CCKBR: variants seen among roughly 807,000 people sequenced by gnomAD.
The protein encoded by CCKBR is cholecystokinin B receptor.
CCKBR carries 33 observed loss-of-function variants against 34.6 expected under a neutral mutation model. The observed-to-expected ratio is 0.95, with a 90% confidence interval of 0.72 to 1.27. The LOEUF (loss-of-function observed/expected upper bound fraction) is 1.27. Among genes scored for constraint, CCKBR ranks in the 50% most tolerant of loss-of-function variants. The pLI is 0.00. For missense variants in CCKBR, 652 were observed against 617.4 expected (o/e 1.06, Z -0.59); for synonymous variants, 269 against 267.5 (o/e 1.01, Z -0.06).
chr11:6,261,655 A>G lies in CCKBR; in HGVS notation c.151+1576A>G, dbSNP rs142613939. Among the ~76,000 whole-genome samples, 3 of 152,254 alleles carry G rather than the reference A, an allele frequency of 2.0e-5. No homozygotes were observed. The East Asian group carries it at 5.8e-4, about 29-fold the overall frequency. On this transcript the variant is annotated intron_variant, in intron 1 of 4. Coordinates refer to ENST00000334619, the MANE Select transcript of CCKBR (RefSeq NM_176875.4). The stretch of plus-strand genomic sequence containing the variant: ...AGTGACTAGAACATATATCTTAAGA[A>G]GGGAATAATGAACAGGCTGGAGACC...
intron 1 of CCKBR, among the ~76,000 whole-genome samples, chr11:6,263,404 C>T (rs1463546876): frequency 6.6e-6 from 1 of 152,092 alleles, no homozygotes; most frequent in Non-Finnish European, 1.5e-5. Flanking sequence ...ATAATACCCA[C>T]AAAAGCTTAA....
rs971207895 is a variant in CCKBR at position 6,270,217 on chromosome 11, C to T, written c.533C>T (p.Thr178Met). ...RSHAARVIVA[T>M]WLLSGLLMVP... is the part of the protein sequence containing the mutation. ...CACGCGGCTCGCGTGATTGTAGCCA[C>T]GTGGCTGCTGTCCGGACTACTCATG... The change falls in exon 3 of 5, where the codon ACG (threonine) becomes ATG (methionine). Residue 178 changes from threonine (T) to methionine (M), a missense_variant. Thr to Met is a moderately conservative substitution (Grantham distance 81, BLOSUM62 -1). Coordinates refer to ENST00000334619, the MANE Select transcript of CCKBR (RefSeq NM_176875.4). 1 of 1,613,390 alleles carries T rather than the reference C, an allele frequency of 6.2e-7. No individual in the cohort carries two copies. The highest frequency in any genetic ancestry group is 8.5e-7 in the Non-Finnish European group (1 of 1,180,038).
chr11:6,262,221 G>A (rs1848144789), intron 1 of CCKBR, among the ~76,000 whole-genome samples: 1 of 152,188 alleles, frequency 6.6e-6, no homozygotes, highest in African/African-American at 2.4e-5. Flanking sequence ...GAGGTCTGAG[G>A]TGGAAATACA....
chr11:6,271,451 A>G lies in CCKBR; in HGVS notation c.1252A>G (p.Arg418Gly). 1.2e-6 allele frequency: 2 copies of G among 1,613,366 alleles called. No homozygotes were observed. Among genetic ancestry groups the G allele is most frequent in the Non-Finnish European group, 1.7e-6 (2 of 1,180,004 alleles). ...CCCCCGGCCTCCACGAGCTCGCCCC[A>G]GGGCTCTTCCCGATGAGGACCCTCC... Reference protein sequence around the residue: ...CCPRPPRARPRALPDEDPPTP... With the variant: ...CCPRPPRARPGALPDEDPPTP... The change falls in exon 5 of 5, where the codon AGG (arginine) becomes GGG (glycine). Residue 418 changes from arginine to glycine, a missense_variant. Physicochemically the swap from Arg to Gly is moderately radical, Grantham distance 125 (BLOSUM62 -2). Transcript: ENST00000334619.
chr11:6,267,072 G>A (rs760184090), intron 1 of CCKBR, among the ~76,000 whole-genome samples: 14 of 152,204 alleles, frequency 9.2e-5, no homozygotes, highest in Admixed American at 2.0e-4. Context: ...ACTTGCAGGA[G>A]TAGATGTTGC....
intron 3 of CCKBR, 129 bp from the exon 4 acceptor site, chr11:6,270,517 G>A (rs1261493555): frequency 3.7e-6 from 5 of 1,356,546 alleles, no homozygotes; most frequent in Admixed American, 4.5e-5. Flanking sequence ...CCTTCCCAGC[G>A]GCACCCCCAA....
chr11:6,261,462 T>TATATATATATATATATACAC (rs764173521), intron 1 of CCKBR, among the ~76,000 whole-genome samples: 1 of 64,016 alleles, frequency 1.6e-5, no homozygotes, highest in African/African-American at 6.0e-5. Context: ...AAAATATATA[T>TATATATATATATATATACAC]ACACACACAC....
In CCKBR at chr11:6,267,333, G is replaced by T. The variant is rs1350308534; in HGVS notation, c.152-2336G>T. Among the ~76,000 whole-genome samples, 3 of 148,824 alleles carry T rather than the reference G, an allele frequency of 2.0e-5. No individual in the cohort carries two copies. The Admixed American group carries it at 2.1e-4, about 10-fold the overall frequency. On this transcript the variant is annotated intron_variant, in intron 1 of 4. Transcript: ENST00000334619. ...CTTTTTTTATACTCTTATCCTATAA[G>T]CATTTTTCTGTTTTTAACTTTAGAA...
intron 1 of CCKBR, among the ~76,000 whole-genome samples, chr11:6,261,454 A>AAAATATATAT (rs1447691939): frequency 2.0e-4 from 12 of 60,888 alleles, no homozygotes; most frequent in East Asian, 1.2e-3. Flanking sequence ...AAAAAAAAAA[A>AAAATATATAT]ATATATATAC....
intron 1 of CCKBR, among the ~76,000 whole-genome samples, chr11:6,268,483 G>T (rs566438714): frequency 6.6e-6 from 1 of 152,168 alleles, no homozygotes; most frequent in East Asian, 1.9e-4. Context: ...AATAGACAAT[G>T]ACACAAAAGA....
chr11:6,270,223 T>C lies in CCKBR; in HGVS notation c.539T>C (p.Leu180Pro). The change falls in exon 3 of 5, where the codon CTG becomes CCG. Residue 180 changes from leucine (L) to proline (P), a missense_variant. Leu to Pro is a moderately conservative substitution (Grantham distance 98, BLOSUM62 -3). Coordinates refer to ENST00000334619, the MANE Select transcript of CCKBR (RefSeq NM_176875.4). ...GCTCGCGTGATTGTAGCCACGTGGC[T>C]GCTGTCCGGACTACTCATGGTGCCC... ...HAARVIVATWLLSGLLMVPYP... is the reference protein window; with the variant it reads ...HAARVIVATWPLSGLLMVPYP... 1 of 1,613,338 alleles carries C rather than the reference T, an allele frequency of 6.2e-7. No individual in the cohort carries two copies. The highest frequency in any genetic ancestry group is 8.5e-7 in the Non-Finnish European group (1 of 1,180,044).
intron 1 of CCKBR, among the ~76,000 whole-genome samples, chr11:6,267,578 T>A (rs917486790): frequency 2.6e-5 from 4 of 152,224 alleles, no homozygotes; most frequent in African/African-American, 7.2e-5. Context: ...TTAACTTTTT[T>A]AAAAAAATAA....
intron 1 of CCKBR, among the ~76,000 whole-genome samples, chr11:6,261,735 C>T (rs60386949): frequency 6.6e-6 from 1 of 151,702 alleles, no homozygotes; most frequent in South Asian, 2.1e-4. Flanking sequence ...CATGGACTTT[C>T]TCCCGAGGGC....
rs191965229 is a variant in CCKBR, at chr11:6,262,049, T to C, written c.151+1970T>C. ...GACAACTGAATGGATATTGGTGCTATAGCAATTGTATACAATGAGAAAGAT... is the reference window on the plus strand; with the variant it reads ...GACAACTGAATGGATATTGGTGCTACAGCAATTGTATACAATGAGAAAGAT... On this transcript the variant is annotated intron_variant, in intron 1 of 4. Coordinates refer to ENST00000334619, the MANE Select transcript of CCKBR (RefSeq NM_176875.4). Among the ~76,000 whole-genome samples, 13 of 152,324 alleles carry C rather than the reference T, an allele frequency of 8.5e-5. 1 individual carries two copies. In the Middle Eastern group the frequency reaches 0.01, roughly 120 times the overall value.
At chr11:6,268,660 C>T (rs1165138986) in intron 1 of CCKBR, among the ~76,000 whole-genome samples, 2 of 152,196 alleles carry the variant, frequency 1.3e-5, no homozygotes, top group Admixed American at 6.5e-5. Context: ...TCATGTTCAT[C>T]TCTTTGTCCC....
rs762822975 is a variant in CCKBR at position 6,270,701 on chromosome 11, G to A, written c.709G>A (p.Ala237Thr). ...FFIPGVVMAVAYGLISRELYL... is the reference protein window; with the variant it reads ...FFIPGVVMAVTYGLISRELYL... ...CATCCCGGGTGTGGTTATGGCCGTG[G>A]CCTACGGGCTTATCTCTCGCGAGCT... The change falls in exon 4 of 5, where the codon GCC (alanine) becomes ACC (threonine). Residue 237 changes from alanine (A) to threonine (T), a missense_variant. Coordinates refer to ENST00000334619, the MANE Select transcript of CCKBR (RefSeq NM_176875.4). 1.9e-6 allele frequency: 3 copies of A among 1,614,098 alleles called. No individual in the cohort carries two copies. Among genetic ancestry groups the A allele is most frequent in the Non-Finnish European group, 2.5e-6 (3 of 1,179,930 alleles).
At position 6,271,385 on chromosome 11, in the gene CCKBR, C is replaced by G. The variant is rs201721347; in HGVS notation, c.1186C>G (p.Arg396Gly). ...CCTGGTCTACTGCTTCATGCACCGT[C>G]GCTTTCGCCAGGCCTGCCTGGAAAC... is the stretch of plus-strand genomic sequence containing the variant. ...NPLVYCFMHR[R>G]FRQACLETCA... is the part of the protein sequence containing the mutation. Residue 396 changes from arginine to glycine, a missense_variant, in exon 5 of 5, where the codon CGC (arginine) becomes GGC (glycine). By Grantham distance (125) the Arg-to-Gly change is moderately radical. Coordinates refer to ENST00000334619, the MANE Select transcript of CCKBR (RefSeq NM_176875.4). The G allele has an allele frequency of 2.5e-6, 4 of 1,614,120 alleles. No individual in the cohort carries two copies. The highest frequency in any genetic ancestry group is 1.7e-5 in the Admixed American group (1 of 60,030).
chr11:6,270,862 G>A (rs773352639), intron 4 of CCKBR, 59 bp downstream of exon 4: 1 of 1,612,844 alleles, frequency 6.2e-7, no homozygotes, highest in Non-Finnish European at 8.5e-7. Flanking sequence ...GGGCGACGGG[G>A]CCTGCTGGAG....
At chr11:6,267,697 T>C (rs1185936187) in intron 1 of CCKBR, among the ~76,000 whole-genome samples, 1 of 152,258 alleles carries the variant, frequency 6.6e-6, no homozygotes, top group Non-Finnish European at 1.5e-5. Context: ...TCATTGTATG[T>C]GCTAGGCTTT....
Sources: allele counts gnomAD v4.1 joint callset (sites outside exome capture counted in the v4.1 genomes callset), GRCh38; gene constraint gnomAD v4.1.1; transcripts MANE v1.5; gene names NCBI Gene and HGNC (gene_info 2026-07-23, HGNC 2026-07-21).